Variants in TMC4 observed in about 807,000 individuals in gnomAD.
TMC4 encodes the protein voltage-gated chloride channel TMC4.
Under a neutral mutation model 82.0 loss-of-function variants are expected in TMC4, and 70 were observed. The observed-to-expected ratio is 0.85, with a 90% CI of 0.70 to 1.04. The LOEUF is 1.04. Among genes scored for constraint, TMC4 ranks in the 50% least tolerant of loss-of-function variants. The probability of loss-of-function intolerance (pLI) is 0.00; values close to 1 mark genes in which losing one functional copy is unlikely to be tolerated. For synonymous variants in TMC4, 446 were observed against 406.0 expected (o/e 1.10, Z -1.18); for missense variants, 879 against 899.0 (o/e 0.98, Z 0.28).
Position 54,162,095 on chromosome 19 carries a change from C to G in TMC4, c.1686+7G>C. Reference sequence around the variant, plus strand: ...CCTCAGACCCAAGGGTCCCCCCTACCCCTTACCTTCTTCAGGTAGAAAAGC... The same window carrying G: ...CCTCAGACCCAAGGGTCCCCCCTACGCCTTACCTTCTTCAGGTAGAAAAGC... On this transcript the variant is annotated splice_region_variant and intron_variant, in intron 11 of 14. Transcript: ENST00000619895. The G allele has an allele frequency of 6.2e-7, 1 of 1,607,998 alleles. No homozygotes were observed. The highest frequency in any genetic ancestry group is 8.5e-7 in the Non-Finnish European group (1 of 1,177,016).
chr19:54,168,563 C>T lies in TMC4; in HGVS notation c.560G>A (p.Gly187Asp). 1 of 1,577,324 alleles carries T rather than the reference C, an allele frequency of 6.3e-7. No homozygotes were observed. Among genetic ancestry groups the T allele is most frequent in the Non-Finnish European group, 8.6e-7 (1 of 1,162,286 alleles). ...GGGGCCGGGAGGGCCTGGGGGAGCG[C>T]CTCCCAACCAGGTGGGCAGCAGCGT... ...CMTLLPTWLG[G>D]APPGPPGPDI... The change falls in exon 4 of 15, where the codon GGC becomes GAC. Residue 187 changes from glycine (G) to aspartate (D), a missense_variant. Physicochemically the swap from Gly to Asp is moderately conservative, Grantham distance 94. Transcript: ENST00000619895.
intron 3 of TMC4, 57 bp from the exon 4 acceptor site, chr19:54,168,737 T>C: frequency 8.5e-7 from 1 of 1,180,954 alleles, no homozygotes; most frequent in South Asian, 2.3e-5. Context: ...GACCAGCCCC[T>C]CCTACCCCTG....
intron 1 of TMC4, 49 bp downstream of exon 1, chr19:54,172,969 TCCTCCTCCAGCAGGACTCCCA>T: frequency 7.2e-7 from 1 of 1,393,802 alleles, no homozygotes. Context: ...GCCTCCCCTT[TCCTCCTCCAGCAGGACTCCCA>T]CCTAGCCTGA....
chr19:54,165,081 T>C (rs1259737763), intron 6 of TMC4, among the ~76,000 whole-genome samples: 2 of 151,414 alleles, frequency 1.3e-5, no homozygotes, highest in South Asian at 2.1e-4. Flanking sequence ...TTTTTTTTTT[T>C]TTTTTTGGTA....
Position 54,160,941 on chromosome 19 carries a change from G to A in TMC4, c.1910C>T (p.Thr637Ile), listed in dbSNP as rs755276957. The change falls in exon 13 of 15, where the codon ACC (threonine) becomes ATC (isoleucine). Residue 637 changes from threonine (T) to isoleucine (I), a missense_variant. Coordinates refer to ENST00000619895, the MANE Select transcript of TMC4 (RefSeq NM_144686.4). ...CCCCAGGAAGAAGAGGAAATTCTGG[G>A]TGGTCTCAGGGAGGCTGGAAATAGA... The part of the protein sequence containing the change: ...PESISSLPET[T>I]QNFLFFLGTQ... 2.2e-5 allele frequency: 36 copies of A among 1,614,064 alleles called. No homozygotes were observed. Among genetic ancestry groups the A allele is most frequent in the East Asian group, 4.5e-5 (2 of 44,898 alleles).
chr19:54,172,825 C>T (rs1019645086), intron 1 of TMC4: 6 of 529,702 alleles, frequency 1.1e-5, no homozygotes, highest in African/African-American at 9.7e-5. Context: ...TTAGCCCTCC[C>T]CTCCTCCCAG....
At position 54,169,577 on chromosome 19, in the gene TMC4, T is replaced by C; in HGVS notation, c.377A>G (p.Lys126Arg). 1 of 1,613,994 alleles carries C rather than the reference T, an allele frequency of 6.2e-7. No homozygotes were observed. ...TCGCAAGCCTTCCTTTGTTTTCTCC[T>C]TGGACCTCCGAAGTAGCCGCGCCCA... Reference protein sequence around the residue: ...DRWARLLRRSKEKTKEGLRSL... With the variant: ...DRWARLLRRSREKTKEGLRSL... Residue 126 changes from lysine (K) to arginine (R), a missense_variant, in exon 3 of 15, where the codon AAG becomes AGG. Transcript: ENST00000619895.
At chr19:54,161,474 G>T (rs1401779784) in intron 11 of TMC4, among the ~76,000 whole-genome samples, 1 of 149,894 alleles carries the variant, frequency 6.7e-6, no homozygotes, top group Non-Finnish European at 1.5e-5. Flanking sequence ...TCAGCCTCCC[G>T]AGTAGCTGGG....
At position 54,172,112 on chromosome 19, in the gene TMC4, C is replaced by T. The variant is rs750860420; in HGVS notation, c.80-29G>A. The T allele has an allele frequency of 8.3e-5, 125 of 1,501,384 alleles. No homozygotes were observed. In the South Asian group the frequency reaches 9.3e-4, roughly 11 times the overall value. The allele number at this position is 1,501,384 out of a possible 1,614,324, so 93.0% of individuals were successfully genotyped here. A position where few individuals can be genotyped will look rare whatever the true frequency, so the allele number is the denominator to read the frequency against. ...GGGAGGAGCAGGGGGCTGGGAAGAC[C>T]CGGGAGTCTGGGCCCTAATTCCTCC... On this transcript the variant is annotated intron_variant, in intron 1 of 14. Coordinates refer to ENST00000619895, the MANE Select transcript of TMC4 (RefSeq NM_144686.4).
intron 3 of TMC4, 39 bp from the exon 4 acceptor site, chr19:54,168,719 G>T: frequency 6.4e-6 from 9 of 1,401,884 alleles, no homozygotes; most frequent in Non-Finnish European, 1.9e-6. Flanking sequence ...GTTCCTTCCC[G>T]GGAGCAGGAC....
In TMC4 at chr19:54,161,183, G is replaced by C; in HGVS notation, c.1764C>G (p.Val588=). ...TGGAGATGGCCAGACCCAGGAGAAG[G>C]ACCAAGGGGAAAAAGAAATTCGCCG... The part of the protein sequence containing the change: ...ASAANFFFPL[V]LLLGLAISSV... Residue 588 remains valine, a synonymous_variant, in exon 12 of 15, where the codon GTC becomes GTG. Coordinates refer to ENST00000619895, the MANE Select transcript of TMC4 (RefSeq NM_144686.4). The C allele has an allele frequency of 6.3e-7, 1 of 1,593,390 alleles. No homozygotes were observed. The highest frequency in any genetic ancestry group is 8.5e-7 in the Non-Finnish European group (1 of 1,171,530).
chr19:54,165,815 G>T (rs565364789), intron 5 of TMC4, among the ~76,000 whole-genome samples: 206 of 152,216 alleles, frequency 1.4e-3, no homozygotes, highest in African/African-American at 4.7e-3. Flanking sequence ...AAACCTAGGA[G>T]ACAGGGACAG....
At chr19:54,162,370 G>A (rs2075580576) in intron 10 of TMC4, 85 bp from the exon 11 acceptor site, 1 of 695,328 alleles carries the variant, frequency 1.4e-6, no homozygotes, top group South Asian at 2.1e-5. Context: ...CCGCCAATAG[G>A]AAGCATGCGT....
At chr19:54,166,350 C>T (rs762691761) in intron 5 of TMC4, among the ~76,000 whole-genome samples, 47 of 148,006 alleles carry the variant, frequency 3.2e-4, no homozygotes, top group Non-Finnish European at 6.4e-4. Flanking sequence ...AAAAAAAGAC[C>T]CAGAGAAGAC....
rs2075649199 is a variant in TMC4 at position 54,164,433 on chromosome 19, C to T, written c.1113+1G>A. On this transcript the variant is annotated splice_donor_variant, in intron 7 of 14. Transcript: ENST00000619895. LOFTEE classifies it high-confidence loss of function. ...GCTTCCTCTTCCAAGACCGTCCGCA[C>T]CTGCAGCTCCACGGTGCACCCCGTA... 6.2e-7 allele frequency: 1 copy of T among 1,609,608 alleles called. No homozygotes were observed. Among genetic ancestry groups the T allele is most frequent in the Non-Finnish European group, 8.5e-7 (1 of 1,176,964 alleles).
chr19:54,160,477 T>A lies in TMC4; in HGVS notation c.2042A>T (p.Gln681Leu), dbSNP rs748048609. 5.0e-6 allele frequency: 8 copies of A among 1,614,080 alleles called. No individual in the cohort carries two copies. The South Asian group carries it at 8.8e-5, about 18-fold the overall frequency. ...ACCCGCCTGGCTCACCGTCTCTCTC[T>A]GACGTTTGAGCTCAGAGATGAGGCG... ...YGRLISELKR[Q>L]RETEAQNKVF... is the part of the protein sequence containing the mutation. The change falls in exon 14 of 15, where the codon CAG (glutamine) becomes CTG (leucine). Residue 681 changes from glutamine to leucine, a missense_variant. Coordinates refer to ENST00000619895, the MANE Select transcript of TMC4 (RefSeq NM_144686.4).
chr19:54,162,840 T>C, intron 9 of TMC4, 70 bp from the exon 10 acceptor site: 6 of 1,522,954 alleles, frequency 3.9e-6, no homozygotes, highest in Non-Finnish European at 4.5e-6. Flanking sequence ...CGTCCGAGTC[T>C]CCACATCGCA....
chr19:54,164,423 AC>A lies in TMC4; in HGVS notation c.1113+10del, dbSNP rs1290106049. The A allele has an allele frequency of 3.7e-6, 6 of 1,605,738 alleles. No homozygotes were observed. The highest frequency in any genetic ancestry group is 5.1e-6 in the Non-Finnish European group (6 of 1,174,496). ...GGACCCCCTGGCTTCCTCTTCCAAG[AC>A]CGTCCGCACCTGCAGCTCCACGGTG... is the stretch of plus-strand genomic sequence containing the variant. On this transcript the variant is annotated intron_variant, in intron 7 of 14. Transcript: ENST00000619895.
At chr19:54,163,255 C>A in intron 8 of TMC4, 96 bp from the exon 9 acceptor site, 1 of 1,440,062 alleles carries the variant, frequency 6.9e-7, no homozygotes, top group Non-Finnish European at 9.5e-7. Context: ...ACCCATCTCA[C>A]AGATGAAGCT....
Sources: allele counts gnomAD v4.1 joint callset (sites outside exome capture counted in the v4.1 genomes callset), GRCh38; gene constraint gnomAD v4.1.1; transcripts MANE v1.5; gene names NCBI Gene and HGNC (gene_info 2026-07-23, HGNC 2026-07-21).